MCF2L: variants seen among roughly 807,000 people sequenced by gnomAD.
MCF2L encodes MCF.2 cell line derived transforming sequence like.
MCF2L carries 97 observed loss-of-function variants against 153.4 expected under a neutral mutation model. The observed-to-expected ratio is 0.63, with a 90% CI of 0.54 to 0.75. MCF2L has a LOEUF of 0.75. MCF2L is among the 30% of genes least tolerant of loss of function. The pLI, the probability that MCF2L is intolerant of heterozygous loss-of-function variation, is 0.00. For synonymous variants in MCF2L, 659 were observed against 632.2 expected (o/e 1.04, Z -0.64); for missense variants, 1,347 against 1,495.2 (o/e 0.90, Z 1.64).
rs914268462 is a variant in MCF2L at position 112,993,775 on chromosome 13, G to A, written c.80-20988G>A. On this transcript the variant is annotated intron_variant, in intron 1 of 29. Transcript: ENST00000535094. The surrounding 1 kb of genome is among the most constrained non-coding windows in gnomAD (Gnocchi z 4.6). ...TTTAGCACCAGAAGTGGCTGTGTGA[G>A]CTGGGAATGGGGTCCTGGGTGAAGA... 2.6e-5 allele frequency among the ~76,000 whole-genome samples: 4 copies of A among 152,182 alleles called. No individual in the cohort carries two copies. Among genetic ancestry groups the A allele is most frequent in the African/African-American group, 9.7e-5 (4 of 41,440 alleles).
In MCF2L at chr13:113,045,518, G is replaced by A; in HGVS notation, c.369+157G>A. 1 of 654,936 alleles carries A rather than the reference G, an allele frequency of 1.5e-6. No individual in the cohort carries two copies. The highest frequency in any genetic ancestry group is 2.4e-5 in the Admixed American group (1 of 40,966). 40.6% of individuals were successfully genotyped at this position (654,936 alleles called of 1,614,324 possible). A position where few individuals can be genotyped will look rare whatever the true frequency, so the allele number is the denominator to read the frequency against. On this transcript the variant is annotated intron_variant, in intron 4 of 29. Coordinates refer to ENST00000535094, the MANE Select transcript of MCF2L (RefSeq NM_001112732.3). This position sits in a 1 kb window ranked among gnomAD's most constrained non-coding sequence, Gnocchi z 4.2. ...GGAGGCCGGCGCCAAGGCCCCCCCT[G>A]CTTGGGCTCCCAAGGCACTGGTGCC...
chr13:112,991,662 T>G (rs960665345), intron 1 of MCF2L, among the ~76,000 whole-genome samples: 16 of 152,252 alleles, frequency 1.1e-4, no homozygotes, highest in African/African-American at 3.9e-4. Flanking sequence ...AATTTGCTTT[T>G]TTGAGTGTAT....
intron 2 of MCF2L, among the ~76,000 whole-genome samples, chr13:112,928,857 C>A (rs2140609549): frequency 6.6e-6 from 1 of 152,334 alleles, no homozygotes; most frequent in Middle Eastern, 3.4e-3. Flanking sequence ...CGGCCGAGGG[C>A]CTTTTCTGGC....
chr13:113,091,478 G>T (rs2035204946), intron 26 of MCF2L, among the ~76,000 whole-genome samples: 1 of 152,226 alleles, frequency 6.6e-6, no homozygotes, highest in Non-Finnish European at 1.5e-5. Flanking sequence ...TGGTCACCTG[G>T]CCGTGCTGGG....
At chr13:112,916,585 G>A (rs2081294599) in intron 2 of MCF2L, among the ~76,000 whole-genome samples, 1 of 152,154 alleles carries the variant, frequency 6.6e-6, no homozygotes, top group Non-Finnish European at 1.5e-5. Context: ...CCAGCACCCT[G>A]TTGAGCTCCA....
At chr13:112,949,401 T>C (rs1325636197) in intron 2 of MCF2L, among the ~76,000 whole-genome samples, 1 of 152,220 alleles carries the variant, frequency 6.6e-6, no homozygotes, top group African/African-American at 2.4e-5. Context: ...CAGTATTACA[T>C]TGATACCAAA....
At chr13:113,001,698 A>T in intron 1 of MCF2L, 1 of 1,356,264 alleles carries the variant, frequency 7.4e-7, no homozygotes, top group Admixed American at 3.7e-5. Context: ...AAGTGAGCCG[A>T]TGCTGCTCCT....
chr13:113,027,862 T>G lies in MCF2L; in HGVS notation c.278+3104T>G, dbSNP rs2085410549. 6.6e-6 allele frequency among the ~76,000 whole-genome samples: 1 copy of G among 152,168 alleles called. No individual in the cohort carries two copies. Among genetic ancestry groups the G allele is most frequent in the Non-Finnish European group, 1.5e-5 (1 of 68,004 alleles). ...ACCACATGGCCGTACCCCGAGGACG[T>G]AGGCTCCAGGTGTGCTGTGGCCAGA... is the stretch of plus-strand genomic sequence containing the variant. On this transcript the variant is annotated intron_variant, in intron 3 of 29. Transcript: ENST00000535094. The surrounding 1 kb of genome is among the most constrained non-coding windows in gnomAD (Gnocchi z 4.8).
intron 23 of MCF2L, 73 bp from the exon 24 acceptor site, chr13:113,088,254 C>A: frequency 7.9e-7 from 1 of 1,263,066 alleles, no homozygotes; most frequent in Non-Finnish European, 1.2e-6. Context: ...TTGGATGTTC[C>A]GAGAGTGAAA....
At chr13:112,968,127 G>A (rs190810996), upstream of MCF2L, 4 of 190,968 alleles carry the variant, frequency 2.1e-5, no homozygotes, top group East Asian at 9.1e-4. Flanking sequence ...TCTTTTAACT[G>A]ATTGGGGAGT....
Position 113,045,587 on chromosome 13 carries a change from A to G in MCF2L, c.369+226A>G, listed in dbSNP as rs972269941. 19 of 579,208 alleles carry G rather than the reference A, an allele frequency of 3.3e-5. No homozygotes were observed. The highest frequency in any genetic ancestry group is 5.0e-5 in the Non-Finnish European group (16 of 323,084). The allele number at this position is 579,208 out of a possible 1,614,324, so 35.9% of individuals were successfully genotyped here. The stretch of plus-strand genomic sequence containing the variant: ...GATGAAGGAACTCTTAGGGAGCCCA[A>G]TGTGACTTGCAAACAATTTCCCCAG... On this transcript the variant is annotated intron_variant, in intron 4 of 29. Transcript: ENST00000535094. The surrounding 1 kb of genome is among the most constrained non-coding windows in gnomAD (Gnocchi z 4.2).
At chr13:113,000,802 G>C (rs113933503) in intron 1 of MCF2L, among the ~76,000 whole-genome samples, 3 of 152,190 alleles carry the variant, frequency 2.0e-5, no homozygotes, top group Admixed American at 6.5e-5. Context: ...AAGGCTCTGC[G>C]GAGAAAGGCG....
In MCF2L at chr13:113,035,189, G is replaced by A. The variant is rs893488772; in HGVS notation, c.279-10082G>A. Among the ~76,000 whole-genome samples, 1 of 152,160 alleles carries A rather than the reference G, an allele frequency of 6.6e-6. No individual in the cohort carries two copies. Among genetic ancestry groups the A allele is most frequent in the Non-Finnish European group, 1.5e-5 (1 of 68,034 alleles). On this transcript the variant is annotated intron_variant, in intron 3 of 29. Transcript: ENST00000535094. This position sits in a 1 kb window ranked among gnomAD's most constrained non-coding sequence, Gnocchi z 4.4. ...AGCTTTTGGAAAAATGTTGAAACTG[G>A]GGCGGCTTCTCTGGGTGACTCTGAC...
chr13:113,020,672 C>T (rs1365539343), intron 2 of MCF2L, among the ~76,000 whole-genome samples: 1 of 152,216 alleles, frequency 6.6e-6, no homozygotes, highest in Non-Finnish European at 1.5e-5. Flanking sequence ...CGGCCTCCTC[C>T]CCTCCCACAA....
At chr13:112,963,747 G>A (rs1016709390) in intron 2 of MCF2L, among the ~76,000 whole-genome samples, 2 of 152,188 alleles carry the variant, frequency 1.3e-5, no homozygotes, top group Non-Finnish European at 1.5e-5. Context: ...CCTGGAGTAG[G>A]AACCATCATC....
Position 113,060,619 on chromosome 13 carries a change from C to G in MCF2L, c.396C>G (p.Leu132=), listed in dbSNP as rs937194841. The change falls in exon 5 of 30, where the codon CTC becomes CTG. Residue 132 remains leucine, a synonymous_variant. Coordinates refer to ENST00000535094, the MANE Select transcript of MCF2L (RefSeq NM_001112732.3). ...IAASFPANLQ[L]VLVLRPTGFF... ...CATCTTTCCCGGCAAACCTGCAGCT[C>G]GTCCTCGTGCTTCGCCCGACGGGTT... is the stretch of plus-strand genomic sequence containing the variant. The G allele has an allele frequency of 6.2e-6, 10 of 1,613,488 alleles. No homozygotes were observed. The highest frequency in any genetic ancestry group is 8.5e-6 in the Non-Finnish European group (10 of 1,179,970).
intron 5 of MCF2L, among the ~76,000 whole-genome samples, chr13:113,062,262 G>A (rs1263047059): frequency 3.3e-5 from 5 of 152,098 alleles, no homozygotes; most frequent in Admixed American, 2.6e-4. Context: ...TAGGCATTGC[G>A]TGTGCAGCTC....
intron 23 of MCF2L, 92 bp downstream of exon 23, chr13:113,087,891 C>A: frequency 1.8e-6 from 2 of 1,117,520 alleles, no homozygotes; most frequent in Non-Finnish European, 2.7e-6. Context: ...GAAGTTGCAT[C>A]GAGCCCAGGA....
intron 2 of MCF2L, among the ~76,000 whole-genome samples, chr13:112,964,146 C>G (rs569719114): frequency 1.3e-5 from 2 of 152,200 alleles, no homozygotes; most frequent in Admixed American, 6.5e-5. Context: ...TGTGCATAGC[C>G]CACCTCGGAT....
Sources: allele counts gnomAD v4.1 joint callset (sites outside exome capture counted in the v4.1 genomes callset), GRCh38; gene constraint gnomAD v4.1.1; non-coding constraint Gnocchi (gnomAD v3.1); transcripts MANE v1.5; gene names NCBI Gene and HGNC (gene_info 2026-07-23, HGNC 2026-07-21).